Variants in STK3 observed in about 807,000 individuals in gnomAD.
STK3 encodes serine/threonine-protein kinase 3.
In STK3, 41 loss-of-function variants were observed where a neutral mutation model predicts 58.0. The ratio of observed to expected loss-of-function variants is 0.71; its 90% CI spans 0.55 to 0.92. STK3 has a LOEUF of 0.92. STK3 is among the 40% of genes least tolerant of loss of function. The probability of loss-of-function intolerance (pLI) is 0.00; values close to 1 mark genes in which losing one functional copy is unlikely to be tolerated. For synonymous variants in STK3, 170 were observed against 191.0 expected (o/e 0.89, Z 0.91); for missense variants, 479 against 602.7 (o/e 0.79, Z 2.15).
intron 1 of STK3, among the ~76,000 whole-genome samples, chr8:98,775,997 A>C (rs1053489689): frequency 3.9e-5 from 6 of 152,264 alleles, no homozygotes; most frequent in African/African-American, 1.4e-4. Context: ...TTTGTGGTGA[A>C]TAAAGCAACT....
At chr8:98,850,800 C>G (rs1836437326) in intron 3 of STK3, among the ~76,000 whole-genome samples, 1 of 152,058 alleles carries the variant, frequency 6.6e-6, no homozygotes, top group South Asian at 2.1e-4. Flanking sequence ...CAGAGTTTAA[C>G]CTGGGGCAGT....
At chr8:98,547,067 A>T (rs549293615) in intron 9 of STK3, among the ~76,000 whole-genome samples, 1 of 152,142 alleles carries the variant, frequency 6.6e-6, no homozygotes, top group Non-Finnish European at 1.5e-5. Context: ...CCAGCAAATC[A>T]CTTGAATATT....
chr8:98,878,217 T>C (rs1221513797), intron 3 of STK3, among the ~76,000 whole-genome samples: 1 of 151,888 alleles, frequency 6.6e-6, no homozygotes, highest in African/African-American at 2.4e-5. Context: ...TATGCCCAGC[T>C]AATTTTTGTA....
chr8:98,382,892 T>C (rs1425200390), intron 1 of STK3, among the ~76,000 whole-genome samples: 4 of 152,194 alleles, frequency 2.6e-5, no homozygotes, highest in African/African-American at 7.2e-5. Context: ...CCGTCCTGCA[T>C]GGCAGCGTTT....
At chr8:98,559,934 C>G (rs1217077810) in intron 8 of STK3, among the ~76,000 whole-genome samples, 1 of 151,918 alleles carries the variant, frequency 6.6e-6, no homozygotes, top group East Asian at 1.9e-4. Context: ...ACTAAAGAAA[C>G]AAGCAGAGAA....
At chr8:98,666,700 C>T (rs557982955) in intron 6 of STK3, among the ~76,000 whole-genome samples, 2 of 152,176 alleles carry the variant, frequency 1.3e-5, no homozygotes, top group East Asian at 3.9e-4. Flanking sequence ...GCTCAGTTTG[C>T]CTATTATAAA....
chr8:98,516,031 A>G lies in STK3; in HGVS notation c.1317+10711T>C, dbSNP rs1396937443. On this transcript the variant is annotated intron_variant, in intron 10 of 10. Transcript: ENST00000419617. Reference sequence around the variant, plus strand: ...ATTAGCCAAAACAAAAGGACAGGACACCCTCTGAGCCATAAAATTATATAT... The same window carrying G: ...ATTAGCCAAAACAAAAGGACAGGACGCCCTCTGAGCCATAAAATTATATAT... 2.6e-5 allele frequency among the ~76,000 whole-genome samples: 4 copies of G among 152,018 alleles called. No individual in the cohort carries two copies. The East Asian group carries it at 7.7e-4, about 29-fold the overall frequency.
intron 3 of STK3, among the ~76,000 whole-genome samples, chr8:98,853,995 A>G (rs1207519431): frequency 6.6e-6 from 1 of 152,226 alleles, no homozygotes; most frequent in Non-Finnish European, 1.5e-5. Flanking sequence ...TGTGAGATCA[A>G]TATTACCTAG....
Position 98,707,304 on chromosome 8 carries a change from T to G in STK3, c.359A>C (p.Glu120Ala). 1.3e-6 allele frequency: 2 copies of G among 1,521,354 alleles called. No homozygotes were observed. Among genetic ancestry groups the G allele is most frequent in the Non-Finnish European group, 1.8e-6 (2 of 1,132,400 alleles). The allele number at this position is 1,521,354 out of a possible 1,614,324, so 94.2% of individuals were successfully genotyped here. The stretch of plus-strand genomic sequence containing the variant: ...TTTAAGAATGGTTGCAATTTCATCT[T>G]CTATTAACTGGAAAGAAATATTTTT... ...IIRLRNKTLI[E>A]DEIATILKST... is the part of the protein sequence containing the mutation. Residue 120 changes from glutamate to alanine, a missense_variant, in exon 5 of 11, where the codon GAA (glutamate) becomes GCA (alanine). Glu to Ala is a moderately radical substitution (Grantham distance 107). Transcript: ENST00000419617.
At chr8:98,407,926 C>T (rs1036803422) in intron 3 of STK3, among the ~76,000 whole-genome samples, 2 of 152,186 alleles carry the variant, frequency 1.3e-5, no homozygotes, top group African/African-American at 4.8e-5. Flanking sequence ...AAGCCCTTGG[C>T]ACGGGTCTAG....
At position 98,469,234 on chromosome 8, in the gene STK3, C is replaced by T. The variant is rs555930775; in HGVS notation, c.1318-13234G>A. Reference sequence around the variant, plus strand: ...AGATGATTATAATACACGAATGGTCCAAAAAGGCTTTTCTTTGCGGGGGCG... The same window carrying T: ...AGATGATTATAATACACGAATGGTCTAAAAAGGCTTTTCTTTGCGGGGGCG... On this transcript the variant is annotated intron_variant, in intron 10 of 10. Coordinates refer to ENST00000419617, the MANE Select transcript of STK3 (RefSeq NM_006281.4). 2.2e-5 allele frequency among the ~76,000 whole-genome samples: 3 copies of T among 139,366 alleles called. No individual in the cohort carries two copies. The South Asian group carries it at 6.6e-4, about 31-fold the overall frequency. The allele number at this position is 139,366 out of a possible 152,430, so 91.4% of individuals were successfully genotyped here.
chr8:98,540,519 C>A (rs1810158666), intron 9 of STK3, among the ~76,000 whole-genome samples: 1 of 152,164 alleles, frequency 6.6e-6, no homozygotes, highest in Non-Finnish European at 1.5e-5. Flanking sequence ...ATGTTATTTG[C>A]AATTCTGATG....
At chr8:98,510,734 G>A (rs1007240893) in intron 10 of STK3, among the ~76,000 whole-genome samples, 2 of 152,040 alleles carry the variant, frequency 1.3e-5, no homozygotes, top group Non-Finnish European at 2.9e-5. Context: ...AATGCTGTTT[G>A]CTTCAATTTT....
intron 6 of STK3, among the ~76,000 whole-genome samples, chr8:98,644,932 T>C (rs1210722844): frequency 6.6e-6 from 1 of 152,234 alleles, no homozygotes; most frequent in African/African-American, 2.4e-5. Flanking sequence ...AATATGTCTG[T>C]TTACATGTGT....
intron 6 of STK3, among the ~76,000 whole-genome samples, chr8:98,621,254 A>G (rs377687007): frequency 1.7e-3 from 252 of 152,246 alleles, no homozygotes; most frequent in African/African-American, 5.8e-3. Flanking sequence ...ACTGATTTTT[A>G]TATCTTGCAT....
At chr8:98,860,747 G>A (rs1017179379) in intron 3 of STK3, among the ~76,000 whole-genome samples, 5 of 152,036 alleles carry the variant, frequency 3.3e-5, no homozygotes, top group African/African-American at 9.7e-5. Context: ...ACCAGCATAC[G>A]ACAAACACAC....
chr8:98,910,184 T>G (rs986135723), intron 1 of STK3, among the ~76,000 whole-genome samples: 2 of 152,250 alleles, frequency 1.3e-5, no homozygotes, highest in African/African-American at 2.4e-5. Flanking sequence ...CATTTTTAAT[T>G]GGATAATTTG....
chr8:98,548,033 T>G lies in STK3; in HGVS notation c.1077A>C (p.Glu359Asp), dbSNP rs750268928. Reference protein sequence around the residue: ...TMIEHNSTMLESDLGTMVINS... With the variant: ...TMIEHNSTMLDSDLGTMVINS... ...TTATCACCATGGTCCCCAAGTCGGA[T>G]TCCAACATCGTGCTATTATGTTCAA... is the stretch of plus-strand genomic sequence containing the variant. The change falls in exon 9 of 11, where the codon GAA becomes GAC. Residue 359 changes from glutamate to aspartate, a missense_variant. Physicochemically the swap from Glu to Asp is conservative, Grantham distance 45. Transcript: ENST00000419617. The G allele has an allele frequency of 1.2e-6, 2 of 1,610,714 alleles. No homozygotes were observed. Among genetic ancestry groups the G allele is most frequent in the Non-Finnish European group, 1.7e-6 (2 of 1,178,412 alleles).
chr8:98,389,036 C>A (rs926322986), upstream of STK3, among the ~76,000 whole-genome samples: 3 of 152,120 alleles, frequency 2.0e-5, no homozygotes, highest in Non-Finnish European at 4.4e-5. Flanking sequence ...AATATGAGAG[C>A]ACTTTATAAA....
Sources: gnomAD v4.1 joint callset for allele counts (sites outside exome capture counted in the v4.1 genomes callset) on GRCh38, gnomAD v4.1.1 for gene constraint, MANE v1.5 for transcripts, NCBI Gene and HGNC (gene_info 2026-07-23, HGNC 2026-07-21) for gene names.